Variants in GALNT2 observed in about 807,000 individuals in gnomAD.
The protein encoded by GALNT2 is polypeptide N-acetylgalactosaminyltransferase 2.
Under a neutral mutation model 81.4 loss-of-function variants are expected in GALNT2, and 31 were observed. The observed-to-expected ratio is 0.38, with a 90% CI of 0.29 to 0.51. The LOEUF (loss-of-function observed/expected upper bound fraction) is 0.51. Ranked by LOEUF, GALNT2 falls within the 20% of genes least tolerant of loss-of-function variation. The pLI, the probability that GALNT2 is intolerant of heterozygous loss-of-function variation, is 0.87. For missense variants in GALNT2, 629 were observed against 765.7 expected (o/e 0.82, Z 2.11); for synonymous variants, 303 against 287.4 (o/e 1.05, Z -0.55).
Position 230,280,483 on chromosome 1 carries a change from A to G in GALNT2, c.*1025A>G, listed in dbSNP as rs1182867011. ...ACCCCATAGCTCTGTGTGAGCCAGCAATACCGCTGCCCCCTGGCGACAGGG... is the reference window on the plus strand; with the variant it reads ...ACCCCATAGCTCTGTGTGAGCCAGCGATACCGCTGCCCCCTGGCGACAGGG... On this transcript the variant is annotated 3_prime_UTR_variant, in exon 16 of 16. Transcript: ENST00000366672. The G allele has an allele frequency of 6.2e-6, 1 of 161,380 alleles. No homozygotes were observed. Among genetic ancestry groups the G allele is most frequent in the African/African-American group, 2.4e-5 (1 of 41,712 alleles). The allele number at this position is 161,380 out of a possible 1,614,324, so 10.0% of individuals were successfully genotyped here.
At position 230,279,246 on chromosome 1, in the gene GALNT2, C is replaced by T; in HGVS notation, c.1561-57C>T. Reference sequence around the variant, plus strand: ...CACAAGGTCCTGAATTCACACGAATCTGTTTGTACTCCTTTGCTTGTGCCC... The same window carrying T: ...CACAAGGTCCTGAATTCACACGAATTTGTTTGTACTCCTTTGCTTGTGCCC... On this transcript the variant is annotated intron_variant, in intron 15 of 15. Coordinates refer to ENST00000366672, the MANE Select transcript of GALNT2 (RefSeq NM_004481.5). This position sits in a 1 kb window ranked among gnomAD's most constrained non-coding sequence, Gnocchi z 4.6. 1 of 1,546,014 alleles carries T rather than the reference C, an allele frequency of 6.5e-7. No homozygotes were observed. The highest frequency in any genetic ancestry group is 8.8e-7 in the Non-Finnish European group (1 of 1,135,176).
At chr1:230,083,984 G>A (rs976693673) in intron 1 of GALNT2, among the ~76,000 whole-genome samples, 6 of 152,196 alleles carry the variant, frequency 3.9e-5, no homozygotes, top group South Asian at 2.1e-4. Flanking sequence ...ATCAGCACCC[G>A]GATGTTGGCG....
At chr1:230,226,108 C>G (rs757116331) in intron 3 of GALNT2, among the ~76,000 whole-genome samples, 20 of 152,358 alleles carry the variant, frequency 1.3e-4, no homozygotes, top group Non-Finnish European at 2.5e-4. Flanking sequence ...GCGGTTGGCT[C>G]TAGCCTGGCT....
At chr1:230,226,532 A>G (rs1664717516) in intron 3 of GALNT2, among the ~76,000 whole-genome samples, 1 of 152,234 alleles carries the variant, frequency 6.6e-6, no homozygotes, top group Admixed American at 6.5e-5. Flanking sequence ...TGATGGGTGC[A>G]CATGGAGACT....
intron 1 of GALNT2, among the ~76,000 whole-genome samples, chr1:230,096,202 C>A (rs1273889985): frequency 6.6e-6 from 1 of 152,194 alleles, no homozygotes; most frequent in Non-Finnish European, 1.5e-5. Context: ...CTAGCACCTG[C>A]CAGCTGAGGT....
chr1:230,088,430 T>G (rs564954704), intron 1 of GALNT2, among the ~76,000 whole-genome samples: 2,613 of 152,198 alleles, frequency 0.017, 75 homozygotes, highest in African/African-American at 0.058. Context: ...GTTTTTTTTT[T>G]AATTCATTTT....
intron 3 of GALNT2, among the ~76,000 whole-genome samples, chr1:230,233,002 G>T (rs776330882): frequency 2.6e-5 from 4 of 152,064 alleles, no homozygotes; most frequent in African/African-American, 4.8e-5. Context: ...TGACCTAATT[G>T]CTTTTTAATT....
chr1:230,132,539 G>A (rs1383837882), intron 1 of GALNT2, among the ~76,000 whole-genome samples: 1 of 152,188 alleles, frequency 6.6e-6, no homozygotes, highest in Non-Finnish European at 1.5e-5. Context: ...AGGCCTTGCT[G>A]AGAATGTGAG....
At position 230,279,678 on chromosome 1, in the gene GALNT2, C is replaced by T; in HGVS notation, c.*220C>T. 1 of 608,940 alleles carries T rather than the reference C, an allele frequency of 1.6e-6. No homozygotes were observed. Among genetic ancestry groups the T allele is most frequent in the African/African-American group, 1.8e-5 (1 of 54,224 alleles). 37.7% of individuals were successfully genotyped at this position (608,940 alleles called of 1,614,324 possible). Reference sequence around the variant, plus strand: ...TCCCCCTCCTCTCGGTGCAGCCCAGCCGGGCCCCCTTCCCCAGGCCGGAGC... The same window carrying T: ...TCCCCCTCCTCTCGGTGCAGCCCAGTCGGGCCCCCTTCCCCAGGCCGGAGC... On this transcript the variant is annotated 3_prime_UTR_variant, in exon 16 of 16. Coordinates refer to ENST00000366672, the MANE Select transcript of GALNT2 (RefSeq NM_004481.5). This position sits in a 1 kb window ranked among gnomAD's most constrained non-coding sequence, Gnocchi z 4.6.
At chr1:230,176,568 G>A (rs914379495) in intron 1 of GALNT2, among the ~76,000 whole-genome samples, 1 of 152,204 alleles carries the variant, frequency 6.6e-6, no homozygotes, top group African/African-American at 2.4e-5. Context: ...AGTCTGCAGA[G>A]TGTGACTGTG....
rs140397178 is a variant in GALNT2, at chr1:230,275,066, G to A, written c.1560+502G>A. On this transcript the variant is annotated intron_variant, in intron 15 of 15. Coordinates refer to ENST00000366672, the MANE Select transcript of GALNT2 (RefSeq NM_004481.5). The surrounding 1 kb of genome is among the most constrained non-coding windows in gnomAD (Gnocchi z 5.5). The stretch of plus-strand genomic sequence containing the variant: ...ACATATATACATGCCACATATATAC[G>A]TATATATATACACACCACATATATA... 4.5e-3 allele frequency among the ~76,000 whole-genome samples: 505 copies of A among 113,122 alleles called. 2 individuals carry two copies. The Middle Eastern group carries it at 0.066, about 15-fold the overall frequency. The allele number at this position is 113,122 out of a possible 152,430, so 74.2% of individuals were successfully genotyped here.
At chr1:230,137,095 G>A (rs1171116106) in intron 1 of GALNT2, among the ~76,000 whole-genome samples, 2 of 152,184 alleles carry the variant, frequency 1.3e-5, no homozygotes, top group Non-Finnish European at 2.9e-5. Context: ...TCATTTCCCT[G>A]GGGAGTGGAG....
intron 1 of GALNT2, among the ~76,000 whole-genome samples, chr1:230,111,629 G>C (rs1660707759): frequency 6.6e-6 from 1 of 152,184 alleles, no homozygotes; most frequent in Non-Finnish European, 1.5e-5. Context: ...GCCGATACTT[G>C]AACAGAAGTA....
At chr1:230,198,299 C>T (rs977601475) in intron 2 of GALNT2, among the ~76,000 whole-genome samples, 1 of 152,082 alleles carries the variant, frequency 6.6e-6, no homozygotes, top group African/African-American at 2.4e-5. Flanking sequence ...TGGAGCAATA[C>T]GAGGAGTGGC....
intron 1 of GALNT2, among the ~76,000 whole-genome samples, chr1:230,175,139 C>T (rs1294738746): frequency 6.6e-6 from 1 of 152,204 alleles, no homozygotes; most frequent in Non-Finnish European, 1.5e-5. Flanking sequence ...ATCTACAGAC[C>T]AGTGGTGGGT....
chr1:230,058,053 T>C (rs904617659), exon 1 of GALNT2: 38 of 456,120 alleles, frequency 8.3e-5, no homozygotes, highest in Non-Finnish European at 1.6e-4. Context: ...CAGGGCAAGG[T>C]GCCCGTAGCC....
chr1:230,096,342 C>T (rs1571956987), intron 1 of GALNT2, among the ~76,000 whole-genome samples: 2 of 152,154 alleles, frequency 1.3e-5, no homozygotes, highest in South Asian at 4.1e-4. Flanking sequence ...CATTTGCTTA[C>T]GTGATTTAAA....
In GALNT2 at chr1:230,137,145, A is replaced by G. The variant is rs369921958; in HGVS notation, c.127-41073A>G. ...CTGTTCCCACCCCCGCCTGCACCCA[A>G]TAAGCTTTGGGGGAGCCAAATAGTG... On this transcript the variant is annotated intron_variant, in intron 1 of 15. Coordinates refer to ENST00000366672, the MANE Select transcript of GALNT2 (RefSeq NM_004481.5). 7.9e-4 allele frequency among the ~76,000 whole-genome samples: 120 copies of G among 152,320 alleles called. No individual in the cohort carries two copies. In the South Asian group the frequency reaches 0.016, roughly 20 times the overall value.
chr1:230,134,049 A>G (rs1177376474), intron 1 of GALNT2, among the ~76,000 whole-genome samples: 1 of 150,164 alleles, frequency 6.7e-6, no homozygotes, highest in Admixed American at 6.6e-5. Flanking sequence ...TTAATTACAT[A>G]TTACTCTGAT....
Sources: allele counts gnomAD v4.1 joint callset (sites outside exome capture counted in the v4.1 genomes callset), GRCh38; gene constraint gnomAD v4.1.1; non-coding constraint Gnocchi (gnomAD v3.1); transcripts MANE v1.5; gene names NCBI Gene and HGNC (gene_info 2026-07-23, HGNC 2026-07-21).